The following SYT10 variants were observed in gnomAD, a reference collection of about 807,000 sequenced individuals.
SYT10 encodes synaptotagmin-10.
Under a neutral mutation model 51.1 loss-of-function variants are expected in SYT10, and 31 were observed. The ratio of observed to expected loss-of-function variants is 0.61; its 90% CI spans 0.46 to 0.82. The LOEUF is 0.82. SYT10 is among the 40% of genes least tolerant of loss of function. The probability of loss-of-function intolerance (pLI) is 0.00; values close to 1 mark genes in which losing one functional copy is unlikely to be tolerated. For missense variants in SYT10, 603 were observed against 634.0 expected (o/e 0.95, Z 0.53); for synonymous variants, 233 against 225.9 (o/e 1.03, Z -0.28).
chr12:33,420,024 T>C (rs1327446308), intron 2 of SYT10, among the ~76,000 whole-genome samples: 2 of 152,214 alleles, frequency 1.3e-5, no homozygotes, highest in African/African-American at 4.8e-5. Flanking sequence ...CTTTGTAATA[T>C]GTTTCTGACT....
At position 33,426,239 on chromosome 12, in the gene SYT10, A is replaced by G. The variant is rs984701272; in HGVS notation, c.408T>C (p.Thr136=). ...AIEPAIKISH[T]SPDIPAEVQT... The stretch of plus-strand genomic sequence containing the variant: ...GGACTTCTGCTGGGATGTCAGGGGA[A>G]GTGTGGCTGATTTTTATTGCAGGCT... The change falls in exon 2 of 7, where the codon ACT becomes ACC. Residue 136 remains threonine, a synonymous_variant. Transcript: ENST00000228567. 1.9e-6 allele frequency: 3 copies of G among 1,614,086 alleles called. No individual in the cohort carries two copies. In the African/African-American group the frequency reaches 4.0e-5, roughly 22 times the overall value.
intron 3 of SYT10, among the ~76,000 whole-genome samples, chr12:33,395,143 G>T (rs1866244589): frequency 6.6e-6 from 1 of 152,146 alleles, no homozygotes; most frequent in African/African-American, 2.4e-5. Flanking sequence ...TACAATTTTA[G>T]TGGCCAGAAA....
In SYT10 at chr12:33,439,445, G is replaced by T. The variant is rs138183969; in HGVS notation, c.78C>A (p.Ala26=). The T allele has an allele frequency of 9.7e-4, 1,563 of 1,614,104 alleles. 6 individuals carry two copies. The highest frequency in any genetic ancestry group is 1.0e-3 in the Non-Finnish European group (1,237 of 1,180,034). ...ALHIVTELCF[A]GQVEWEKCSG... ...AGCACTTCTCCCACTCCACCTGGCCGGCGAAGCACAGCTCGGTGACGATGT... is the reference window on the plus strand; with the variant it reads ...AGCACTTCTCCCACTCCACCTGGCCTGCGAAGCACAGCTCGGTGACGATGT... The change falls in exon 1 of 7, where the codon GCC becomes GCA. Residue 26 remains alanine (A), a synonymous_variant. Transcript: ENST00000228567.
chr12:33,400,775 C>T (rs996251630), intron 3 of SYT10, among the ~76,000 whole-genome samples: 3 of 152,096 alleles, frequency 2.0e-5, no homozygotes, highest in Non-Finnish European at 2.9e-5. Context: ...CCTGTAATCC[C>T]AACACTTTGG....
chr12:33,386,453 C>T (rs1176015410), intron 3 of SYT10, among the ~76,000 whole-genome samples: 1 of 151,976 alleles, frequency 6.6e-6, no homozygotes, highest in African/African-American at 2.4e-5. Context: ...GTTACTCAAA[C>T]AAATGAAGTT....
Position 33,376,804 on chromosome 12 carries a change from A to T in SYT10, c.*26T>A. The T allele has an allele frequency of 6.2e-7, 1 of 1,613,246 alleles. No individual in the cohort carries two copies. The highest frequency in any genetic ancestry group is 1.3e-5 in the African/African-American group (1 of 75,020). ...AATGAGCACGTGATCCTAGATGCTTAATATCATGGTCTCATTTTGGAGGCA... is the reference window on the plus strand; with the variant it reads ...AATGAGCACGTGATCCTAGATGCTTTATATCATGGTCTCATTTTGGAGGCA... On this transcript the variant is annotated 3_prime_UTR_variant, in exon 7 of 7. Coordinates refer to ENST00000228567, the MANE Select transcript of SYT10 (RefSeq NM_198992.4).
At chr12:33,386,104 G>C (rs1591982126) in intron 3 of SYT10, among the ~76,000 whole-genome samples, 1 of 151,990 alleles carries the variant, frequency 6.6e-6, no homozygotes, top group Admixed American at 6.6e-5. Context: ...GCTCACTGCA[G>C]CCTCCACCTC....
intron 3 of SYT10, among the ~76,000 whole-genome samples, chr12:33,398,845 C>T (rs1193989375): frequency 6.6e-6 from 1 of 152,076 alleles, no homozygotes; most frequent in Non-Finnish European, 1.5e-5. Flanking sequence ...CTCATAATTC[C>T]CATTTTACAG....
chr12:33,393,136 C>A (rs973984017), intron 3 of SYT10, among the ~76,000 whole-genome samples: 11 of 151,994 alleles, frequency 7.2e-5, no homozygotes, highest in Non-Finnish European at 1.2e-4. Flanking sequence ...AGAGCTGAGG[C>A]CTTAAAACAA....
chr12:33,438,141 TGGA>T (rs1248924337), intron 1 of SYT10, among the ~76,000 whole-genome samples: 1 of 152,034 alleles, frequency 6.6e-6, no homozygotes, highest in African/African-American at 2.4e-5. Context: ...GGGGTGGTGG[TGGA>T]GAGGATTCAC....
intron 1 of SYT10, among the ~76,000 whole-genome samples, chr12:33,426,958 G>C (rs942095972): frequency 1.3e-5 from 2 of 152,078 alleles, no homozygotes; most frequent in Non-Finnish European, 2.9e-5. Flanking sequence ...GTATAAATGA[G>C]AATAACACAT....
chr12:33,423,303 AGTGTGTGTGT>A (rs139986432), intron 2 of SYT10, among the ~76,000 whole-genome samples: 4 of 149,538 alleles, frequency 2.7e-5, no homozygotes, highest in Admixed American at 2.0e-4. Context: ...AGTTAAATTC[AGTGTGTGTGT>A]GTGTGTGTGC....
rs755082982 is a variant in SYT10 at position 33,426,349 on chromosome 12, TG to T, written c.297del (p.Ser99ArgfsTer26). The T allele has an allele frequency of 8.1e-6, 13 of 1,614,146 alleles. No homozygotes were observed. In the East Asian group the frequency reaches 2.9e-4, roughly 36 times the overall value. ...VTSNITTLPQ[S>X]ISSAPTEVFE... ...AAAACTTCAGTAGGAGCACTTGAAA[TG>T]CTCTGTGGAAGCGTAGTGATGTTGG... On this transcript the variant is annotated frameshift_variant, in exon 2 of 7. Coordinates refer to ENST00000228567, the MANE Select transcript of SYT10 (RefSeq NM_198992.4). LOFTEE classifies it high-confidence loss of function.
chr12:33,411,534 T>C (rs1866405164), intron 2 of SYT10, among the ~76,000 whole-genome samples: 2 of 152,166 alleles, frequency 1.3e-5, no homozygotes, highest in Admixed American at 1.3e-4. Flanking sequence ...TGTAAGGCGA[T>C]TTGTGGTATA....
chr12:33,411,487 A>G (rs1866404509), intron 2 of SYT10, among the ~76,000 whole-genome samples: 2 of 151,838 alleles, frequency 1.3e-5, no homozygotes, highest in Non-Finnish European at 2.9e-5. Context: ...ATTTTATTGG[A>G]AATGACATAT....
At chr12:33,400,955 A>C (rs1866299009) in intron 3 of SYT10, among the ~76,000 whole-genome samples, 1 of 151,084 alleles carries the variant, frequency 6.6e-6, no homozygotes, top group Non-Finnish European at 1.5e-5. Context: ...GAACCTGGGG[A>C]GGTGGAGGCT....
intron 2 of SYT10, among the ~76,000 whole-genome samples, chr12:33,421,315 G>C (rs1180512403): frequency 8.6e-5 from 13 of 152,040 alleles, no homozygotes; most frequent in Non-Finnish European, 1.8e-4. Flanking sequence ...TGTTCAATTT[G>C]TTCTGCTATT....
chr12:33,406,333 G>A (rs893969939), intron 3 of SYT10, among the ~76,000 whole-genome samples: 5 of 151,968 alleles, frequency 3.3e-5, no homozygotes, highest in Non-Finnish European at 7.4e-5. Context: ...TCAAACCAAG[G>A]ACTTTTCCAA....
At chr12:33,426,009 A>G (rs1866547621) in intron 2 of SYT10, 129 bp downstream of exon 2, 2 of 919,094 alleles carry the variant, frequency 2.2e-6, no homozygotes, top group African/African-American at 3.5e-5. Flanking sequence ...TGTCTTTCCC[A>G]TTTCTCCTGT....
Sources: allele counts gnomAD v4.1 joint callset (sites outside exome capture counted in the v4.1 genomes callset), GRCh38; gene constraint gnomAD v4.1.1; transcripts MANE v1.5; gene names NCBI Gene and HGNC (gene_info 2026-07-23, HGNC 2026-07-21).